OSBPL9: variants seen among roughly 807,000 people sequenced by gnomAD.
OSBPL9 encodes oxysterol binding protein like 9.
Under a neutral mutation model 106.6 loss-of-function variants are expected in OSBPL9, and 40 were observed. The observed-to-expected ratio is 0.38, with a 90% CI of 0.29 to 0.49. The LOEUF is 0.49. Ranked by LOEUF, OSBPL9 falls within the 20% of genes least tolerant of loss-of-function variation. OSBPL9 has a pLI of 0.97. For missense variants in OSBPL9, 609 were observed against 887.2 expected (o/e 0.69, Z 3.98); for synonymous variants, 269 against 295.4 (o/e 0.91, Z 0.92).
intron 1 of OSBPL9, among the ~76,000 whole-genome samples, chr1:51,591,617 G>C (rs1370543942): frequency 6.6e-6 from 1 of 152,146 alleles, no homozygotes; most frequent in African/African-American, 2.4e-5. Flanking sequence ...AAGCAGCGTG[G>C]CCAACATGGT....
In OSBPL9 at chr1:51,781,096, G is replaced by A. The variant is rs558251181; in HGVS notation, c.1257-68G>A. Reference sequence around the variant, plus strand: ...AGCCTGACTTAGGTGGACCATGCTGGGGGTTGTTGCATCATCTTGTCTTGT... The same window carrying A: ...AGCCTGACTTAGGTGGACCATGCTGAGGGTTGTTGCATCATCTTGTCTTGT... On this transcript the variant is annotated intron_variant, in intron 15 of 23. Coordinates refer to ENST00000428468, the MANE Select transcript of OSBPL9 (RefSeq NM_024586.6). 31 of 1,489,034 alleles carry A rather than the reference G, an allele frequency of 2.1e-5. No homozygotes were observed. The South Asian group carries it at 3.3e-4, about 16-fold the overall frequency. The allele number at this position is 1,489,034 out of a possible 1,614,324, so 92.2% of individuals were successfully genotyped here.
At chr1:51,748,811 C>T (rs1307196814) in intron 7 of OSBPL9, among the ~76,000 whole-genome samples, 2 of 152,142 alleles carry the variant, frequency 1.3e-5, no homozygotes, top group East Asian at 1.9e-4. Flanking sequence ...ATTGGCCGGG[C>T]GCGGTGGCTC....
At chr1:51,784,234 C>T (rs1304525884) in intron 18 of OSBPL9, 30 bp from the exon 19 acceptor site, 3 of 1,603,550 alleles carry the variant, frequency 1.9e-6, no homozygotes, top group South Asian at 1.1e-5. Flanking sequence ...TGGCACTACT[C>T]ATCAGAGATT....
chr1:51,631,330 C>T (rs1444260185), intron 1 of OSBPL9, among the ~76,000 whole-genome samples: 1 of 152,062 alleles, frequency 6.6e-6, no homozygotes, highest in South Asian at 2.1e-4. Context: ...TCATTGAGCC[C>T]AGGAGTTTGA....
At chr1:51,590,342 C>T (rs1330631070) in intron 1 of OSBPL9, among the ~76,000 whole-genome samples, 5 of 151,706 alleles carry the variant, frequency 3.3e-5, no homozygotes, top group African/African-American at 4.8e-5. Context: ...ATCACGTGGC[C>T]GGGCGCGGTG....
At chr1:51,548,882 A>C in the OSBPL9 span, among the ~76,000 whole-genome samples, 1 of 152,218 alleles carries the variant, frequency 6.6e-6, no homozygotes, top group African/African-American at 2.4e-5. Flanking sequence ...TAGAGCATAC[A>C]TCTGAGCAAT....
intron 1 of OSBPL9, among the ~76,000 whole-genome samples, chr1:51,641,112 C>T (rs1310241909): frequency 6.6e-6 from 1 of 152,108 alleles, no homozygotes; most frequent in African/African-American, 2.4e-5. Flanking sequence ...TTAAGACTGA[C>T]ATTTAGCTAA....
chr1:51,580,447 C>T (rs1645213991), intron 1 of OSBPL9, among the ~76,000 whole-genome samples: 1 of 152,056 alleles, frequency 6.6e-6, no homozygotes, highest in African/African-American at 2.4e-5. Context: ...GAATGAGAGC[C>T]TTTAGCAGGT....
At chr1:51,779,754 G>GA (rs1394574862) in intron 15 of OSBPL9, among the ~76,000 whole-genome samples, 2 of 152,022 alleles carry the variant, frequency 1.3e-5, no homozygotes, top group African/African-American at 4.8e-5. Flanking sequence ...GACATGAATA[G>GA]ACAATTATCA....
Position 51,788,657 on chromosome 1 carries a change from T to G in OSBPL9, c.*868T>G, listed in dbSNP as rs1453411935. Reference sequence around the variant, plus strand: ...TTCCCCAGAATCTTCACTTAACTCATATTGCACATGTAGGGCTGCCTACCA... The same window carrying G: ...TTCCCCAGAATCTTCACTTAACTCAGATTGCACATGTAGGGCTGCCTACCA... On this transcript the variant is annotated 3_prime_UTR_variant, in exon 24 of 24. Transcript: ENST00000428468. Among the ~76,000 whole-genome samples, 5 of 152,148 alleles carry G rather than the reference T, an allele frequency of 3.3e-5. No homozygotes were observed. The highest frequency in any genetic ancestry group is 7.4e-5 in the Non-Finnish European group (5 of 68,018).
At chr1:51,708,553 G>T (rs749687927) in intron 3 of OSBPL9, among the ~76,000 whole-genome samples, 1 of 152,078 alleles carries the variant, frequency 6.6e-6, no homozygotes, top group Admixed American at 6.5e-5. Flanking sequence ...GTGATGTAAC[G>T]TGTCACTTGT....
At chr1:51,754,654 A>G (rs11205883) in intron 8 of OSBPL9, among the ~76,000 whole-genome samples, 9,709 of 152,310 alleles carry the variant, frequency 0.064, 406 homozygotes, top group Admixed American at 0.13. Flanking sequence ...TTCTTATAAC[A>G]TTTCGAAAGG....
At chr1:51,700,632 C>A (rs982695410) in intron 3 of OSBPL9, among the ~76,000 whole-genome samples, 1 of 151,954 alleles carries the variant, frequency 6.6e-6, no homozygotes, top group African/African-American at 2.4e-5. Context: ...CTGTTGTTTC[C>A]TTGTCTCAGT....
chr1:51,760,743 G>A lies in OSBPL9; in HGVS notation c.636G>A (p.Val212=). The stretch of plus-strand genomic sequence containing the variant: ...ATCAACCTAGTCCTTTGGAACCTGT[G>A]ATCAGCACAATGCCTTCCCAGACTG... The part of the protein sequence containing the change: ...AIYQPSPLEP[V]ISTMPSQTVL... The change falls in exon 10 of 24, where the codon GTG becomes GTA. Residue 212 remains valine, a synonymous_variant. Transcript: ENST00000428468. 1 of 1,613,866 alleles carries A rather than the reference G, an allele frequency of 6.2e-7. No individual in the cohort carries two copies. Among genetic ancestry groups the A allele is most frequent in the Non-Finnish European group, 8.5e-7 (1 of 1,179,880 alleles).
At chr1:51,768,043 G>A (rs888551082) in intron 12 of OSBPL9, among the ~76,000 whole-genome samples, 2 of 136,274 alleles carry the variant, frequency 1.5e-5, no homozygotes, top group African/African-American at 2.7e-5. Flanking sequence ...CCGGGTTCAC[G>A]CCATTTTCCT....
At chr1:51,554,381 T>C in the OSBPL9 span, among the ~76,000 whole-genome samples, 14 of 152,052 alleles carry the variant, frequency 9.2e-5, no homozygotes, top group South Asian at 2.9e-3. Flanking sequence ...ACATGAAGAG[T>C]AAAACTATAA....
chr1:51,712,090 G>A lies in OSBPL9; in HGVS notation c.242-1913G>A, dbSNP rs866332790. Among the ~76,000 whole-genome samples, 672 of 152,212 alleles carry A rather than the reference G, an allele frequency of 4.4e-3. 2 individuals are homozygous for A. Among genetic ancestry groups the A allele is most frequent in the Non-Finnish European group, 7.3e-3 (496 of 67,978 alleles). ...TGGGAGGTGTAGGTTGTAGCGAGCC[G>A]AGATCACGCCACTGCACTCCAGCCT... On this transcript the variant is annotated intron_variant, in intron 3 of 23. Coordinates refer to ENST00000428468, the MANE Select transcript of OSBPL9 (RefSeq NM_024586.6).
chr1:51,618,560 G>A (rs1358521965), intron 1 of OSBPL9, among the ~76,000 whole-genome samples: 1 of 151,818 alleles, frequency 6.6e-6, no homozygotes, highest in African/African-American at 2.4e-5. Context: ...GTTGATGAGA[G>A]AAAGGGGACA....
chr1:51,722,589 A>G (rs1346196543), intron 4 of OSBPL9, among the ~76,000 whole-genome samples: 1 of 152,244 alleles, frequency 6.6e-6, no homozygotes, highest in Non-Finnish European at 1.5e-5. Flanking sequence ...AAGGGATGCT[A>G]AGGATACAGT....
Sources: gnomAD v4.1 joint callset for allele counts (sites outside exome capture counted in the v4.1 genomes callset) on GRCh38, gnomAD v4.1.1 for gene constraint, MANE v1.5 for transcripts, NCBI Gene and HGNC (gene_info 2026-07-23, HGNC 2026-07-21) for gene names.